Variants in SFXN5 observed in about 807,000 individuals in gnomAD.
The protein encoded by SFXN5 is sideroflexin-5.
In SFXN5, 43 loss-of-function variants were observed where a neutral mutation model predicts 50.2. That is an observed-to-expected ratio of 0.86 (90% CI 0.67 to 1.11). The LOEUF is 1.11. Ranked by LOEUF, SFXN5 falls within the 50% of genes least tolerant of loss-of-function variation. SFXN5 has a pLI of 0.00. For missense variants in SFXN5, 463 were observed against 454.1 expected (o/e 1.02, Z -0.18); for synonymous variants, 203 against 185.8 (o/e 1.09, Z -0.75).
At chr2:73,047,355 G>A (rs1281945336) in intron 2 of SFXN5, among the ~76,000 whole-genome samples, 2 of 135,278 alleles carry the variant, frequency 1.5e-5, no homozygotes, top group East Asian at 2.1e-4. Flanking sequence ...ATATATATGT[G>A]TATATATGTA....
intron 2 of SFXN5, among the ~76,000 whole-genome samples, chr2:73,053,736 T>C (rs972510905): frequency 1.3e-5 from 2 of 152,160 alleles, no homozygotes; most frequent in South Asian, 4.1e-4. Context: ...TCAAGCTGCC[T>C]AGGATCTTTC....
intron 2 of SFXN5, chr2:73,053,604 G>A (rs1040037681): frequency 1.3e-5 from 2 of 152,152 alleles, no homozygotes; most frequent in African/African-American, 4.8e-5. Flanking sequence ...CACATACAAG[G>A]GTTGGGATCT....
In SFXN5 at chr2:72,951,401, A is replaced by T. The variant is rs190051440; in HGVS notation, c.946-6302T>A. On this transcript the variant is annotated intron_variant, in intron 13 of 13. Transcript: ENST00000272433. ...TAAGGCCCAGCTAGAATAGCCAAGC[A>T]CCTTCCCTTGTGGTGTGGGAAGGGT... Among the ~76,000 whole-genome samples the T allele has an allele frequency of 1.2e-4, 19 of 152,192 alleles. No individual in the cohort carries two copies. In the East Asian group the frequency reaches 3.5e-3, roughly 28 times the overall value.
At position 72,957,728 on chromosome 2, in the gene SFXN5, C is replaced by T. The variant is rs149327928; in HGVS notation, c.945+3403G>A. 7.2e-5 allele frequency among the ~76,000 whole-genome samples: 11 copies of T among 152,310 alleles called. No individual in the cohort carries two copies. The East Asian group carries it at 1.7e-3, about 24-fold the overall frequency. On this transcript the variant is annotated intron_variant, in intron 13 of 13. Transcript: ENST00000272433. ...GGAGAATTAATTGGGAGAGTGAATG[C>T]GGAAACAAGGCCCTCTCGGCAAGTT... is the stretch of plus-strand genomic sequence containing the variant.
At position 72,999,077 on chromosome 2, in the gene SFXN5, T is replaced by A. The variant is rs192971712; in HGVS notation, c.469-63A>T. On this transcript the variant is annotated intron_variant, in intron 8 of 13. Coordinates refer to ENST00000272433, the MANE Select transcript of SFXN5 (RefSeq NM_144579.3). ...CCCAAAGCTCCCATACTTCCCCTTG[T>A]AAGCTGTCCCAGCCAGCAAGAAGCA... is the stretch of plus-strand genomic sequence containing the variant. 9.7e-3 allele frequency: 15,109 copies of A among 1,557,790 alleles called. 359 individuals are homozygous for A. The highest frequency in any genetic ancestry group is 7.2e-3 in the Non-Finnish European group (8,209 of 1,134,592).
At chr2:73,000,580 G>T (rs116281703) in intron 7 of SFXN5, 93 bp from the exon 8 acceptor site, 2 of 1,208,936 alleles carry the variant, frequency 1.7e-6, no homozygotes, top group African/African-American at 1.5e-5. Context: ...CCCCAGAAAG[G>T]CACAGCATGC....
At chr2:73,014,390 C>T (rs931199138) in intron 6 of SFXN5, among the ~76,000 whole-genome samples, 1 of 152,120 alleles carries the variant, frequency 6.6e-6, no homozygotes, top group Non-Finnish European at 1.5e-5. Flanking sequence ...ATGGGCATGT[C>T]TCCAGGTTCT....
At chr2:73,058,408 A>C in intron 2 of SFXN5, 120 bp downstream of exon 2, 1 of 871,892 alleles carries the variant, frequency 1.1e-6, no homozygotes, top group Non-Finnish European at 1.9e-6. Context: ...CCTTCCTCTC[A>C]CCTCTCACCT....
chr2:73,063,311 G>C (rs1316683133), intron 1 of SFXN5, among the ~76,000 whole-genome samples: 1 of 152,096 alleles, frequency 6.6e-6, no homozygotes, highest in African/African-American at 2.4e-5. Context: ...CCTATAGTCT[G>C]ACCAAGTCAG....
chr2:72,966,950 T>C (rs745795507), intron 12 of SFXN5, among the ~76,000 whole-genome samples: 20 of 152,288 alleles, frequency 1.3e-4, no homozygotes, highest in Non-Finnish European at 8.8e-5. Context: ...TCTTCCCATT[T>C]CCACACAGGG....
intron 1 of SFXN5, among the ~76,000 whole-genome samples, chr2:73,069,823 AG>A (rs1035636715): frequency 2.0e-5 from 3 of 152,060 alleles, no homozygotes; most frequent in African/African-American, 7.3e-5. Flanking sequence ...AAAAAGAAAA[AG>A]AAAAAAAAAA....
chr2:73,023,089 G>A (rs1677103483), intron 4 of SFXN5, 99 bp downstream of exon 4: 1 of 1,208,130 alleles, frequency 8.3e-7, no homozygotes, highest in East Asian at 2.6e-5. Flanking sequence ...AGAGCCCGAA[G>A]AGCCACCGGA....
At chr2:73,013,716 T>C (rs1435970499) in intron 6 of SFXN5, among the ~76,000 whole-genome samples, 6 of 152,078 alleles carry the variant, frequency 3.9e-5, no homozygotes, top group African/African-American at 1.4e-4. Flanking sequence ...AATGAAATAT[T>C]TCAAGGATAC....
At chr2:73,002,676 A>AAC (rs140692532) in intron 6 of SFXN5, among the ~76,000 whole-genome samples, 8,902 of 152,000 alleles carry the variant, frequency 0.059, 805 homozygotes, top group African/African-American at 0.2. Context: ...TAAAACAGCT[A>AAC]ACACACACAC....
At chr2:73,028,503 T>C (rs1677884878) in intron 3 of SFXN5, among the ~76,000 whole-genome samples, 1 of 152,166 alleles carries the variant, frequency 6.6e-6, no homozygotes, top group Admixed American at 6.5e-5. Flanking sequence ...ACTTGTCCCA[T>C]GAGTGTCCCC....
At position 72,950,158 on chromosome 2, in the gene SFXN5, G is replaced by A. The variant is rs1246979087; in HGVS notation, c.946-5059C>T. 2.0e-5 allele frequency among the ~76,000 whole-genome samples: 3 copies of A among 152,180 alleles called. No homozygotes were observed. The highest frequency in any genetic ancestry group is 7.2e-5 in the African/African-American group (3 of 41,434). On this transcript the variant is annotated intron_variant, in intron 13 of 13. Coordinates refer to ENST00000272433, the MANE Select transcript of SFXN5 (RefSeq NM_144579.3). The surrounding 1 kb of genome is among the most constrained non-coding windows in gnomAD (Gnocchi z 4.2). ...GGCCTGGGGAACAGGCACATTTGAA[G>A]GGCAAGCGGAGGGAACAAGCCTGTG...
intron 1 of SFXN5, among the ~76,000 whole-genome samples, chr2:73,069,115 CTTT>C (rs1246291363): frequency 6.6e-6 from 1 of 152,056 alleles, no homozygotes; most frequent in Non-Finnish European, 1.5e-5. Flanking sequence ...GAAGTGAGGT[CTTT>C]ATCTCAGAAG....
intron 12 of SFXN5, among the ~76,000 whole-genome samples, chr2:72,962,956 C>CA (rs1207259353): frequency 6.6e-6 from 1 of 152,188 alleles, no homozygotes; most frequent in Non-Finnish European, 1.5e-5. Context: ...CCAGCACCCC[C>CA]ACCCTCTCTC....
At chr2:72,979,365 G>GTAATCCCA (rs751029452) in intron 10 of SFXN5, among the ~76,000 whole-genome samples, 9,547 of 152,214 alleles carry the variant, frequency 0.063, 380 homozygotes, top group East Asian at 0.17. Flanking sequence ...CGAGTGCAGT[G>GTAATCCCA]GCTCATGCCT....
Sources: gnomAD v4.1 joint callset for allele counts (sites outside exome capture counted in the v4.1 genomes callset) on GRCh38, gnomAD v4.1.1 for gene constraint, Gnocchi (gnomAD v3.1) non-coding constraint, MANE v1.5 for transcripts, NCBI Gene and HGNC (gene_info 2026-07-23, HGNC 2026-07-21) for gene names.